The following EZR variants were observed in gnomAD, a reference collection of about 807,000 sequenced individuals.
EZR encodes the protein cytovillin 2.
Under a neutral mutation model 74.8 loss-of-function variants are expected in EZR, and 40 were observed. The ratio of observed to expected loss-of-function variants is 0.53; its 90% CI spans 0.42 to 0.70. The LOEUF is 0.70. EZR is among the 30% of genes least tolerant of loss of function. The pLI is 0.00. For missense variants in EZR, 678 were observed against 755.8 expected (o/e 0.90, Z 1.21); for synonymous variants, 341 against 283.3 (o/e 1.20, Z -2.05).
chr6:158,766,853 C>G lies in EZR; in HGVS notation c.*61G>C. 1 of 1,495,934 alleles carries G rather than the reference C, an allele frequency of 6.7e-7. No individual in the cohort carries two copies. Among genetic ancestry groups the G allele is most frequent in the Admixed American group, 1.8e-5 (1 of 56,002 alleles). The allele number at this position is 1,495,934 out of a possible 1,614,324, so 92.7% of individuals were successfully genotyped here. A position where few individuals can be genotyped will look rare whatever the true frequency, so the allele number is the denominator to read the frequency against. ...AGACTTGGAGCACTAAAGACACAAG[C>G]GTGGCGGGGCTGGCAGCGCCCGCTA... is the stretch of plus-strand genomic sequence containing the variant. On this transcript the variant is annotated 3_prime_UTR_variant, in exon 14 of 14. Coordinates refer to ENST00000367075, the MANE Select transcript of EZR (RefSeq NM_001111077.2).
At chr6:158,809,093 TCTCAAAAA>T (rs1562507268) in intron 2 of EZR, among the ~76,000 whole-genome samples, 1 of 152,210 alleles carries the variant, frequency 6.6e-6, no homozygotes, top group Non-Finnish European at 1.5e-5. Flanking sequence ...CAAGACCGCA[TCTCAAAAA>T]CACAAAAACA....
chr6:158,805,300 C>T (rs1777310195), intron 2 of EZR, among the ~76,000 whole-genome samples: 1 of 141,918 alleles, frequency 7.0e-6, no homozygotes, highest in Non-Finnish European at 1.5e-5. Context: ...CATGGCGCCA[C>T]TGCACTCCCA....
At position 158,795,533 on chromosome 6, in the gene EZR, C is replaced by T. The variant is rs533457618; in HGVS notation, c.13-6162G>A. Among the ~76,000 whole-genome samples, 3 of 152,320 alleles carry T rather than the reference C, an allele frequency of 2.0e-5. No individual in the cohort carries two copies. The East Asian group carries it at 5.8e-4, about 29-fold the overall frequency. ...TCTAATGTTCCATGGCCACAGACTA[C>T]AGGACCAACCCCTGCTAGTGGGCAC... On this transcript the variant is annotated intron_variant, in intron 2 of 13. Transcript: ENST00000367075.
chr6:158,806,928 C>A (rs1468333107), intron 2 of EZR, among the ~76,000 whole-genome samples: 1 of 152,148 alleles, frequency 6.6e-6, no homozygotes, highest in Non-Finnish European at 1.5e-5. Context: ...TACCAATATA[C>A]ACTACATATA....
rs186414287 is a variant in EZR at position 158,802,593 on chromosome 6, G to A, written c.13-13222C>T. Among the ~76,000 whole-genome samples the A allele has an allele frequency of 7.2e-5, 11 of 152,200 alleles. 1 individual carries two copies. The highest frequency in any genetic ancestry group is 1.3e-4 in the Admixed American group (2 of 15,292). On this transcript the variant is annotated intron_variant, in intron 2 of 13. Coordinates refer to ENST00000367075, the MANE Select transcript of EZR (RefSeq NM_001111077.2). Reference sequence around the variant, plus strand: ...GTTGCCCAGGCTGGAGTGCAGTGGCGCAATCTCGGCTCACTGCAACCTCCA... The same window carrying A: ...GTTGCCCAGGCTGGAGTGCAGTGGCACAATCTCGGCTCACTGCAACCTCCA...
At chr6:158,778,584 C>T (rs545506612) in intron 7 of EZR, among the ~76,000 whole-genome samples, 1 of 152,254 alleles carries the variant, frequency 6.6e-6, no homozygotes, top group Admixed American at 6.5e-5. Flanking sequence ...TATAAGTGTC[C>T]TTGCTTAGGC....
At chr6:158,818,191 A>AGCGC (rs1777604267) in intron 1 of EZR, 25 bp from the exon 2 acceptor site, 3 of 1,356,414 alleles carry the variant, frequency 2.2e-6, no homozygotes, top group South Asian at 2.6e-5. Flanking sequence ...GAACCCTTAG[A>AGCGC]GCGCCCGCCC....
In EZR at chr6:158,804,220, T is replaced by C. The variant is rs139751966; in HGVS notation, c.12+13862A>G. Among the ~76,000 whole-genome samples, 53 of 152,124 alleles carry C rather than the reference T, an allele frequency of 3.5e-4. No individual in the cohort carries two copies. In the East Asian group the frequency reaches 9.6e-3, roughly 28 times the overall value. On this transcript the variant is annotated intron_variant, in intron 2 of 13. Transcript: ENST00000367075. ...TCTTCTACACTGGAAATAACATACA[T>C]TGTGTGTTATCTAACAGGGAAGTAA...
chr6:158,793,949 C>T (rs1053560177), intron 2 of EZR, among the ~76,000 whole-genome samples: 6 of 152,184 alleles, frequency 3.9e-5, no homozygotes, highest in African/African-American at 7.2e-5. Context: ...TACATACATA[C>T]TTTGTCTACT....
intron 2 of EZR, among the ~76,000 whole-genome samples, chr6:158,817,066 CAGAG>C (rs750590080): frequency 6.6e-6 from 1 of 152,132 alleles, no homozygotes; most frequent in Admixed American, 6.5e-5. Context: ...GCCTGGGCCA[CAGAG>C]AGAGACTCCG....
chr6:158,790,589 G>A (rs781297819), intron 2 of EZR, among the ~76,000 whole-genome samples: 6 of 152,136 alleles, frequency 3.9e-5, no homozygotes, highest in Non-Finnish European at 8.8e-5. Flanking sequence ...CAGGAGAATC[G>A]CTTGAACCCA....
At chr6:158,796,175 A>AAT (rs1491161457) in intron 2 of EZR, among the ~76,000 whole-genome samples, 2 of 152,240 alleles carry the variant, frequency 1.3e-5, no homozygotes, top group African/African-American at 4.8e-5. Flanking sequence ...GCCAGCAAGT[A>AAT]GAGTGTTTTC....
At chr6:158,805,089 G>C (rs1459235950) in intron 2 of EZR, among the ~76,000 whole-genome samples, 1 of 151,958 alleles carries the variant, frequency 6.6e-6, no homozygotes, top group East Asian at 1.9e-4. Flanking sequence ...GAGAAGGTGA[G>C]TCTAGGAAAC....
chr6:158,781,006 G>A (rs917430076), intron 7 of EZR, among the ~76,000 whole-genome samples: 16 of 152,216 alleles, frequency 1.1e-4, no homozygotes, highest in African/African-American at 3.9e-4. Context: ...TAAAACAGGT[G>A]TTTTAATAGA....
rs539110828 is a variant in EZR at position 158,785,209 on chromosome 6, G to A, written c.467+100C>T. 142 of 1,455,588 alleles carry A rather than the reference G, an allele frequency of 9.8e-5. 1 individual carries two copies. The highest frequency in any genetic ancestry group is 1.2e-4 in the Non-Finnish European group (133 of 1,070,934). 90.2% of individuals were successfully genotyped at this position (1,455,588 alleles called of 1,614,324 possible). On this transcript the variant is annotated intron_variant, in intron 5 of 13. Transcript: ENST00000367075. ...GCATGAAGGAGCACTTGACACTGGC[G>A]AAGTCCTTGTGTTTTTAAACTGTGC...
intron 12 of EZR, among the ~76,000 whole-genome samples, chr6:158,767,842 G>A (rs1408955631): frequency 6.6e-6 from 1 of 151,976 alleles, no homozygotes; most frequent in African/African-American, 2.4e-5. Context: ...CTCCCTTCAT[G>A]CCACAGTCAT....
At chr6:158,773,953 G>A (rs1410979024) in intron 8 of EZR, among the ~76,000 whole-genome samples, 1 of 152,216 alleles carries the variant, frequency 6.6e-6, no homozygotes, top group East Asian at 1.9e-4. Flanking sequence ...CCAAAGTGTG[G>A]CCCCAAACTG....
chr6:158,815,665 T>C, intron 2 of EZR, among the ~76,000 whole-genome samples: 1 of 152,234 alleles, frequency 6.6e-6, no homozygotes, highest in Non-Finnish European at 1.5e-5. Flanking sequence ...AGAGTCTATG[T>C]TGGCCAGGCA....
rs1031711630 is a variant in EZR, at chr6:158,767,507, T to C, written c.1350A>G (p.Lys450=). ...DEVEEWQHRA[K]EAQDDLVKTK... is the part of the protein sequence containing the mutation. ...TCTTCACCAGGTCATCCTGGGCTTC[T>C]TTGGCCTTTGGAAAGCAAATTAATA... The change falls in exon 13 of 14, where the codon AAA becomes AAG. Residue 450 remains lysine, a synonymous_variant. Coordinates refer to ENST00000367075, the MANE Select transcript of EZR (RefSeq NM_001111077.2). 3 of 1,576,268 alleles carry C rather than the reference T, an allele frequency of 1.9e-6. No homozygotes were observed. The South Asian group carries it at 3.5e-5, about 18-fold the overall frequency.
Sources: gnomAD v4.1 joint callset for allele counts (sites outside exome capture counted in the v4.1 genomes callset) on GRCh38, gnomAD v4.1.1 for gene constraint, MANE v1.5 for transcripts, NCBI Gene and HGNC (gene_info 2026-07-23, HGNC 2026-07-21) for gene names.